Variants in MYO7A observed in about 807,000 individuals in gnomAD.
The protein encoded by MYO7A is unconventional myosin-VIIa.
Under a neutral mutation model 263.8 loss-of-function variants are expected in MYO7A, and 210 were observed. The ratio of observed to expected loss-of-function variants is 0.80; its 90% CI spans 0.71 to 0.89. MYO7A has a LOEUF of 0.89. Among genes scored for constraint, MYO7A ranks in the 40% least tolerant of loss-of-function variants. MYO7A has a pLI of 0.00. For synonymous variants in MYO7A, 1,239 were observed against 1,197.3 expected, an observed-to-expected ratio of 1.03 and a Z score of -0.72; for missense variants, 2,820 against 2,968.3, an observed-to-expected ratio of 0.95 and a Z score of 1.16.
chr11:77,172,992 T>A, intron 16 of MYO7A, 107 bp downstream of exon 16: 1 of 1,421,024 alleles, frequency 7.0e-7, no homozygotes, highest in Non-Finnish European at 9.4e-7. Flanking sequence ...CTTTGTCCCT[T>A]TGGGGAATGG....
chr11:77,211,986 A>T, intron 46 of MYO7A, 49 bp downstream of exon 46: 2 of 1,458,782 alleles, frequency 1.4e-6, no homozygotes, highest in South Asian at 2.3e-5. Context: ...CAGGGCATTG[A>T]TAAAGCACAG....
chr11:77,135,101 G>C (rs1950873346), intron 2 of MYO7A, among the ~76,000 whole-genome samples: 1 of 152,140 alleles, frequency 6.6e-6, no homozygotes. Flanking sequence ...ACCACTTTAA[G>C]TACATAGTTC....
chr11:77,149,750 C>T (rs1387165048), intron 4 of MYO7A, among the ~76,000 whole-genome samples: 1 of 152,112 alleles, frequency 6.6e-6, no homozygotes, highest in African/African-American at 2.4e-5. Flanking sequence ...AAGTGGCTTT[C>T]GCAGGGAGCC....
chr11:77,132,158 G>A (rs573198360), intron 2 of MYO7A, among the ~76,000 whole-genome samples: 1 of 151,592 alleles, frequency 6.6e-6, no homozygotes, highest in South Asian at 2.1e-4. Context: ...TTCCCCTCTT[G>A]CCTGGCTGAC....
intron 2 of MYO7A, among the ~76,000 whole-genome samples, chr11:77,141,745 C>T (rs1301661823): frequency 2.6e-5 from 4 of 152,204 alleles, no homozygotes; most frequent in Non-Finnish European, 2.9e-5. Flanking sequence ...GACTGCTTGT[C>T]ACCCTTCAGG....
At chr11:77,194,300 G>A in intron 31 of MYO7A, 54 bp from the exon 32 acceptor site, 2 of 1,571,088 alleles carry the variant, frequency 1.3e-6, no homozygotes, top group Non-Finnish European at 1.7e-6. Flanking sequence ...TGGTGTGGAA[G>A]GGCTTCCTGG....
chr11:77,160,078 C>A, intron 10 of MYO7A, 85 bp from the exon 11 acceptor site: 1 of 1,501,096 alleles, frequency 6.7e-7, no homozygotes, highest in Non-Finnish European at 8.9e-7. Flanking sequence ...TGGGCCAGGC[C>A]AGTGCCGGAA....
In MYO7A at chr11:77,208,779, C is replaced by T. The variant is rs140575390; in HGVS notation, c.6027C>T (p.Ala2009=). The change falls in exon 44 of 49, where the codon GCC becomes GCT. Residue 2009 remains alanine, a synonymous_variant. Coordinates refer to ENST00000409709, the MANE Select transcript of MYO7A (RefSeq NM_000260.4). Reference sequence around the variant, plus strand: ...CGGTGCCAGGGAAGGATCCCATGGCCGATTCCATCTTCCACTATTACCAGG... The same window carrying T: ...CGGTGCCAGGGAAGGATCCCATGGCTGATTCCATCTTCCACTATTACCAGG... ...TTTVPGKDPM[A]DSIFHYYQEL... 4.3e-5 allele frequency: 68 copies of T among 1,571,218 alleles called. No individual in the cohort carries two copies. The highest frequency in any genetic ancestry group is 3.1e-4 in the African/African-American group (23 of 73,928).
intron 46 of MYO7A, chr11:77,212,185 A>C (rs1957934736): frequency 1.6e-6 from 1 of 620,550 alleles, no homozygotes; most frequent in African/African-American, 1.8e-5. Flanking sequence ...GGGGTAATGG[A>C]GGATGGCCTG....
rs752300798 is a variant in MYO7A, at chr11:77,213,986, G to A, written c.6558+7G>A. On this transcript the variant is annotated splice_region_variant and intron_variant, in intron 48 of 48. Coordinates refer to ENST00000409709, the MANE Select transcript of MYO7A (RefSeq NM_000260.4). The stretch of plus-strand genomic sequence containing the variant: ...GCTCTGCGAGACGTCACTGGTGAGG[G>A]CGCATCCTGCTGGGCCTAGTGGGCT... The A allele has an allele frequency of 1.2e-6, 2 of 1,614,030 alleles. No homozygotes were observed. The highest frequency in any genetic ancestry group is 1.7e-6 in the Non-Finnish European group (2 of 1,179,892).
chr11:77,150,303 C>A (rs1050132638), intron 4 of MYO7A, among the ~76,000 whole-genome samples: 1 of 152,158 alleles, frequency 6.6e-6, no homozygotes, highest in Non-Finnish European at 1.5e-5. Flanking sequence ...GGTCCTCATG[C>A]GAAGGAGTCG....
intron 42 of MYO7A, 117 bp downstream of exon 42, chr11:77,207,519 T>C: frequency 2.5e-6 from 2 of 792,304 alleles, no homozygotes; most frequent in Non-Finnish European, 4.3e-6. Context: ...CACTGGCATC[T>C]GGCCATCTTC....
rs755358015 is a variant in MYO7A at position 77,204,103 on chromosome 11, C to T, written c.5354C>T (p.Pro1785Leu). Reference sequence around the variant, plus strand: ...GTGCTCAAGTACATGGGCGACTACCCGTCCAAGAGGACACGCTCCGTCAAC... The same window carrying T: ...GTGCTCAAGTACATGGGCGACTACCTGTCCAAGAGGACACGCTCCGTCAAC... ...IAVLKYMGDY[P>L]SKRTRSVNEL... is the part of the protein sequence containing the mutation. The change falls in exon 39 of 49, where the codon CCG becomes CTG. Residue 1785 changes from proline to leucine, a missense_variant. By Grantham distance (98) the Pro-to-Leu change is moderately conservative (BLOSUM62 -3). Transcript: ENST00000409709. 7.5e-6 allele frequency: 12 copies of T among 1,601,366 alleles called. No homozygotes were observed. The highest frequency in any genetic ancestry group is 5.7e-5 in the South Asian group (5 of 88,280).
chr11:77,180,517 C>T (rs1565407600), intron 22 of MYO7A, 36 bp downstream of exon 22: 2 of 1,567,508 alleles, frequency 1.3e-6, no homozygotes, highest in South Asian at 1.1e-5. Context: ...TAGGTGTCCA[C>T]TTGCTGGCTT....
intron 44 of MYO7A, chr11:77,209,193 A>T (rs527248453): frequency 4.6e-6 from 1 of 218,978 alleles, no homozygotes; most frequent in South Asian, 8.3e-5. Context: ...AGCCTCTATT[A>T]TGTGTCTGGC....
At chr11:77,153,802 T>C (rs968396300) in intron 4 of MYO7A, among the ~76,000 whole-genome samples, 40 of 152,128 alleles carry the variant, frequency 2.6e-4, no homozygotes, top group African/African-American at 9.2e-4. Context: ...CTCCCTCCCC[T>C]ACACCCCTAT....
chr11:77,140,602 A>G (rs1256548689), intron 2 of MYO7A, among the ~76,000 whole-genome samples: 3 of 152,178 alleles, frequency 2.0e-5, no homozygotes, highest in Non-Finnish European at 2.9e-5. Context: ...ACTCAGACCC[A>G]GCCCCACCCT....
chr11:77,137,658 C>T (rs1462999843), intron 2 of MYO7A, among the ~76,000 whole-genome samples: 2 of 152,136 alleles, frequency 1.3e-5, no homozygotes, highest in South Asian at 2.1e-4. Flanking sequence ...AGGAGGCCAG[C>T]TTGGCCCATT....
intron 10 of MYO7A, among the ~76,000 whole-genome samples, 162 bp from the exon 11 acceptor site, chr11:77,160,001 G>A (rs1169389433): frequency 5.3e-5 from 8 of 152,238 alleles, no homozygotes; most frequent in African/African-American, 1.9e-4. Context: ...ACTGGGGCAG[G>A]TTTCCATGGC....
Sources: gnomAD v4.1 joint callset for allele counts (sites outside exome capture counted in the v4.1 genomes callset) on GRCh38, gnomAD v4.1.1 for gene constraint, MANE v1.5 for transcripts, NCBI Gene and HGNC (gene_info 2026-07-23, HGNC 2026-07-21) for gene names.